NRG3: variants seen among roughly 807,000 people sequenced by gnomAD.
The protein encoded by NRG3 is pro-neuregulin-3, membrane-bound isoform.
In NRG3, 31 loss-of-function variants were observed where a neutral mutation model predicts 66.9. The observed-to-expected ratio is 0.46, with a 90% CI of 0.35 to 0.63. The LOEUF is 0.63. Ranked by LOEUF, NRG3 falls within the 20% of genes least tolerant of loss-of-function variation. The pLI is 0.00. For missense variants in NRG3, 910 were observed against 878.9 expected (o/e 1.04, Z -0.45); for synonymous variants, 393 against 359.4 (o/e 1.09, Z -1.06).
intron 2 of NRG3, among the ~76,000 whole-genome samples, chr10:82,696,563 A>T (rs1164018094): frequency 1.3e-5 from 2 of 152,172 alleles, no homozygotes; most frequent in African/African-American, 4.8e-5. Flanking sequence ...TAGACCAGCA[A>T]ATAAGCCAAT....
At chr10:82,945,485 T>C (rs566394739) in intron 4 of NRG3, among the ~76,000 whole-genome samples, 2 of 152,300 alleles carry the variant, frequency 1.3e-5, no homozygotes, top group South Asian at 4.1e-4. Flanking sequence ...ATTTGGTTCA[T>C]GTTTCTGGAG....
chr10:82,953,095 G>A (rs1849692957), intron 5 of NRG3, among the ~76,000 whole-genome samples: 1 of 151,760 alleles, frequency 6.6e-6, no homozygotes, highest in Admixed American at 6.6e-5. Context: ...GTTAATGCCA[G>A]GGCCCCATCC....
chr10:82,580,853 C>A (rs2046316755), intron 2 of NRG3, among the ~76,000 whole-genome samples: 1 of 151,188 alleles, frequency 6.6e-6, no homozygotes, highest in African/African-American at 2.4e-5. Flanking sequence ...CAAGTGCTGG[C>A]AGTTATGAAT....
At chr10:82,955,798 G>A (rs768474250) in intron 5 of NRG3, among the ~76,000 whole-genome samples, 3 of 151,844 alleles carry the variant, frequency 2.0e-5, no homozygotes, top group South Asian at 2.1e-4. Flanking sequence ...GGATTTAGTC[G>A]CCAAGTTTGC....
At chr10:81,928,889 A>G (rs566751057) in intron 1 of NRG3, among the ~76,000 whole-genome samples, 39 of 152,282 alleles carry the variant, frequency 2.6e-4, no homozygotes, top group Non-Finnish European at 5.1e-4. Context: ...TGGAATGATC[A>G]TGGCTCACTG....
Position 82,062,562 on chromosome 10 carries a change from C to T in NRG3, c.823+186399C>T, listed in dbSNP as rs576753121. 1.1e-4 allele frequency among the ~76,000 whole-genome samples: 17 copies of T among 151,060 alleles called. No homozygotes were observed. In the South Asian group the frequency reaches 1.3e-3, roughly 11 times the overall value. ...CAGAGGTTGCAGTGAGCCAAGGTCA[C>T]GCTACTGCAGTCCAGCCTAGGGGCA... is the stretch of plus-strand genomic sequence containing the variant. On this transcript the variant is annotated intron_variant, in intron 1 of 8. Transcript: ENST00000372141.
intron 2 of NRG3, among the ~76,000 whole-genome samples, chr10:82,723,329 A>G (rs2057411386): frequency 1.3e-5 from 2 of 152,202 alleles, no homozygotes; most frequent in Admixed American, 1.3e-4. Context: ...GGAAGGATGG[A>G]GAGGGGCAAG....
intron 1 of NRG3, among the ~76,000 whole-genome samples, chr10:81,929,087 A>G (rs748271197): frequency 1.3e-5 from 2 of 152,230 alleles, no homozygotes; most frequent in South Asian, 2.1e-4. Context: ...TTGACCTCCC[A>G]AAGTGTTGGG....
intron 2 of NRG3, among the ~76,000 whole-genome samples, chr10:82,679,198 G>A (rs564782060): frequency 2.9e-4 from 44 of 152,290 alleles, no homozygotes; most frequent in South Asian, 2.5e-3. Flanking sequence ...TTCTCACTCC[G>A]TCTGACTCTG....
At chr10:82,426,485 T>C (rs905192097) in intron 2 of NRG3, among the ~76,000 whole-genome samples, 1 of 150,894 alleles carries the variant, frequency 6.6e-6, no homozygotes, top group South Asian at 2.1e-4. Context: ...AGAAAAGTTA[T>C]CTATTTTCAG....
At chr10:82,676,658 AT>A (rs938886799) in intron 2 of NRG3, among the ~76,000 whole-genome samples, 2 of 151,756 alleles carry the variant, frequency 1.3e-5, no homozygotes, top group Non-Finnish European at 2.9e-5. Flanking sequence ...TAATTTTTGT[AT>A]TTTTAGTAGA....
intron 1 of NRG3, among the ~76,000 whole-genome samples, chr10:82,211,059 A>G (rs2075370289): frequency 6.6e-6 from 1 of 152,178 alleles, no homozygotes; most frequent in Non-Finnish European, 1.5e-5. Flanking sequence ...GGAACTTGAT[A>G]AATGTTAATA....
intron 1 of NRG3, among the ~76,000 whole-genome samples, chr10:82,186,658 G>A (rs1484104645): frequency 6.6e-6 from 1 of 152,148 alleles, no homozygotes; most frequent in Non-Finnish European, 1.5e-5. Context: ...ATATTTGGTT[G>A]TGGTCAATGT....
chr10:82,946,097 G>A (rs79087529), intron 4 of NRG3, among the ~76,000 whole-genome samples: 1,675 of 151,774 alleles, frequency 0.011, 34 homozygotes, highest in African/African-American at 0.039. Flanking sequence ...AGATAATGAT[G>A]AGCCAAATGA....
At chr10:82,615,577 A>G (rs924310229) in intron 2 of NRG3, among the ~76,000 whole-genome samples, 3 of 152,168 alleles carry the variant, frequency 2.0e-5, no homozygotes, top group Admixed American at 6.5e-5. Context: ...CTTATTCTAA[A>G]TCTATTCTAG....
intron 4 of NRG3, among the ~76,000 whole-genome samples, chr10:82,938,218 A>G (rs1848261145): frequency 6.6e-6 from 1 of 152,200 alleles, no homozygotes; most frequent in Non-Finnish European, 1.5e-5. Flanking sequence ...TCCAGACTGG[A>G]TGCTCTACTT....
At chr10:82,660,328 T>C (rs987670775) in intron 2 of NRG3, among the ~76,000 whole-genome samples, 8 of 151,844 alleles carry the variant, frequency 5.3e-5, no homozygotes, top group Non-Finnish European at 1.0e-4. Context: ...ATCAGTGTTT[T>C]CTTGACAGTG....
chr10:82,584,235 T>A (rs1287295879), intron 2 of NRG3, among the ~76,000 whole-genome samples: 1 of 152,082 alleles, frequency 6.6e-6, no homozygotes, highest in African/African-American at 2.4e-5. Context: ...TACAGGAGTG[T>A]GCTGCCACAC....
chr10:82,548,401 T>C (rs993323888), intron 2 of NRG3, among the ~76,000 whole-genome samples: 7 of 151,956 alleles, frequency 4.6e-5, no homozygotes, highest in African/African-American at 7.3e-5. Context: ...GCATAATAGA[T>C]TACAACAATT....
Sources: gnomAD v4.1 joint callset for allele counts (sites outside exome capture counted in the v4.1 genomes callset) on GRCh38, gnomAD v4.1.1 for gene constraint, MANE v1.5 for transcripts, NCBI Gene and HGNC (gene_info 2026-07-23, HGNC 2026-07-21) for gene names.